The following UPF1 variants were observed in gnomAD, a reference collection of about 807,000 sequenced individuals.
The protein encoded by UPF1 is regulator of nonsense transcripts 1.
In UPF1, 9 loss-of-function variants were observed where a neutral mutation model predicts 129.2. The observed-to-expected ratio is 0.07, with a 90% CI of 0.04 to 0.12. The LOEUF is 0.12. Among genes scored for constraint, UPF1 ranks in the 10% least tolerant of loss-of-function variants. The pLI, the probability that UPF1 is intolerant of heterozygous loss-of-function variation, is 1.00. For synonymous variants in UPF1, 649 were observed against 644.9 expected, an observed-to-expected ratio of 1.01 and a Z score of -0.10; for missense variants, 788 against 1,525.3, an observed-to-expected ratio of 0.52 and a Z score of 8.05.
chr19:18,840,512 G>T (rs1248924463), intron 1 of UPF1, among the ~76,000 whole-genome samples: 3 of 152,198 alleles, frequency 2.0e-5, no homozygotes, highest in African/African-American at 7.2e-5. Flanking sequence ...CTGAGGGGCA[G>T]TTTGTGCTTG....
At position 18,852,280 on chromosome 19, in the gene UPF1, A is replaced by C; in HGVS notation, c.956A>C (p.Lys319Thr). The C allele has an allele frequency of 6.2e-7, 1 of 1,613,500 alleles. No homozygotes were observed. Among genetic ancestry groups the C allele is most frequent in the Non-Finnish European group, 8.5e-7 (1 of 1,179,688 alleles). Residue 319 changes from lysine to threonine, a missense_variant, in exon 6 of 24, where the codon AAG (lysine) becomes ACG (threonine). Around this residue, in one of 6 missense-constraint regions of UPF1, gnomAD observed 227 missense variants for 517.9 expected, o/e 0.44. Coordinates refer to ENST00000262803, the MANE Select transcript of UPF1 (RefSeq NM_002911.4). ...AAGCTGGAGGCCGACTACGACAAGA[A>C]GCTGAAGGAGTCCCAGGTGATGTGT... ...LVKLEADYDK[K>T]LKESQTQDNI...
intron 20 of UPF1, among the ~76,000 whole-genome samples, chr19:18,864,771 G>A (rs923875315): frequency 3.4e-5 from 4 of 116,686 alleles, no homozygotes; most frequent in Non-Finnish European, 3.2e-5. Flanking sequence ...ACCGAGTCTC[G>A]CTCTGTTGCC....
intron 17 of UPF1, 100 bp from the exon 18 acceptor site, chr19:18,861,910 C>G: frequency 2.7e-6 from 4 of 1,487,138 alleles, no homozygotes; most frequent in South Asian, 1.3e-5. Flanking sequence ...CCCAAGCTCC[C>G]GGGTGGGATT....
At chr19:18,845,733 A>G (rs1049770578) in intron 1 of UPF1, among the ~76,000 whole-genome samples, 11 of 151,590 alleles carry the variant, frequency 7.3e-5, no homozygotes, top group Non-Finnish European at 1.0e-4. Flanking sequence ...GGGCATGGAC[A>G]TGGCTCTGTG....
In UPF1 at chr19:18,853,741, A is replaced by T. The variant is rs1038616894; in HGVS notation, c.1156+391A>T. On this transcript the variant is annotated intron_variant, in intron 8 of 23. Transcript: ENST00000262803. This position sits in a 1 kb window ranked among gnomAD's most constrained non-coding sequence, Gnocchi z 4.4. ...GGAGGTTCCAGAAGCCAGTGGTCAC[A>T]TGCAGACCCTCTGAGCACACACTTG... Among the ~76,000 whole-genome samples, 2 of 152,226 alleles carry T rather than the reference A, an allele frequency of 1.3e-5. No homozygotes were observed. Among genetic ancestry groups the T allele is most frequent in the Non-Finnish European group, 2.9e-5 (2 of 68,032 alleles).
intron 1 of UPF1, among the ~76,000 whole-genome samples, chr19:18,843,717 TTGTGTGTG>T (rs72080135): frequency 8.3e-5 from 12 of 143,990 alleles, no homozygotes; most frequent in African/African-American, 1.8e-4. Context: ...TTGGCCAGGC[TTGTGTGTG>T]TGTGTGTGTG....
At chr19:18,845,636 C>T (rs1328769717) in intron 1 of UPF1, among the ~76,000 whole-genome samples, 1 of 152,126 alleles carries the variant, frequency 6.6e-6, no homozygotes, top group Admixed American at 6.5e-5. Flanking sequence ...GTCCTCAGGG[C>T]ACACTGCTGT....
At chr19:18,864,935 C>T (rs1286667125) in intron 20 of UPF1, among the ~76,000 whole-genome samples, 8 of 152,054 alleles carry the variant, frequency 5.3e-5, no homozygotes, top group East Asian at 3.9e-4. Flanking sequence ...AACGAGGTTT[C>T]GCCATGTTGG....
At position 18,850,390 on chromosome 19, in the gene UPF1, G is replaced by A. The variant is rs2055645237; in HGVS notation, c.629+148G>A. On this transcript the variant is annotated intron_variant, in intron 4 of 23. Coordinates refer to ENST00000262803, the MANE Select transcript of UPF1 (RefSeq NM_002911.4). The surrounding 1 kb of genome is among the most constrained non-coding windows in gnomAD (Gnocchi z 7.1). Reference sequence around the variant, plus strand: ...TTTTGCTGAAGGGTGAGGCATGAGAGCGTTTAGGCGCTGAGGCTTGTTAAG... The same window carrying A: ...TTTTGCTGAAGGGTGAGGCATGAGAACGTTTAGGCGCTGAGGCTTGTTAAG... 7 of 1,181,500 alleles carry A rather than the reference G, an allele frequency of 5.9e-6. No homozygotes were observed. Among genetic ancestry groups the A allele is most frequent in the Admixed American group, 3.0e-5 (1 of 33,464 alleles). The allele number at this position is 1,181,500 out of a possible 1,614,324, so 73.2% of individuals were successfully genotyped here.
rs201296446 is a variant in UPF1, at chr19:18,836,285, C to G, written c.231+3845C>G. On this transcript the variant is annotated intron_variant, in intron 1 of 23. Coordinates refer to ENST00000262803, the MANE Select transcript of UPF1 (RefSeq NM_002911.4). ...TTTGGTCTGCCTGGTTGGAATATTT[C>G]CTCTTGACTGTAGCTTCTGCCCTGG... Among the ~76,000 whole-genome samples the G allele has an allele frequency of 9.2e-5, 14 of 152,286 alleles. No individual in the cohort carries two copies. The East Asian group carries it at 2.7e-3, about 29-fold the overall frequency.
intron 6 of UPF1, 82 bp downstream of exon 6, chr19:18,852,378 T>C: frequency 6.4e-7 from 1 of 1,566,582 alleles, no homozygotes; most frequent in Non-Finnish European, 8.6e-7. Context: ...GGAGGTTTTC[T>C]CTCCAGGCTG....
chr19:18,849,188 G>A (rs1312724870), intron 3 of UPF1: 1 of 152,396 alleles, frequency 6.6e-6, no homozygotes, highest in Non-Finnish European at 1.5e-5. Flanking sequence ...GCTGGTTAGA[G>A]AATCCTGGGC....
chr19:18,832,362 C>CGGCGGCCCGGGCGGT lies in UPF1; in HGVS notation c.160_174dup (p.Pro54_Gly58dup), dbSNP rs2055435601. On this transcript the variant is annotated inframe_insertion, in exon 1 of 24. Transcript: ENST00000262803. The surrounding 1 kb of genome is among the most constrained non-coding windows in gnomAD (Gnocchi z 5.6). The stretch of plus-strand genomic sequence containing the variant: ...AGACGCAGACGCCCCCCGGCGGCCC[C>CGGCGGCCCGGGCGGT]GGCGGCCCGGGCGGTGGCGGCGCGG... 1.5e-6 allele frequency: 2 copies of CGGCGGCCCGGGCGGT among 1,327,820 alleles called. No individual in the cohort carries two copies. Among genetic ancestry groups the CGGCGGCCCGGGCGGT allele is most frequent in the African/African-American group, 3.1e-5 (2 of 65,416 alleles). 82.3% of individuals were successfully genotyped at this position (1,327,820 alleles called of 1,614,324 possible).
chr19:18,865,383 C>T lies in UPF1; in HGVS notation c.2952C>T (p.Pro984=). 1.2e-6 allele frequency: 2 copies of T among 1,614,140 alleles called. No homozygotes were observed. The highest frequency in any genetic ancestry group is 1.7e-6 in the Non-Finnish European group (2 of 1,180,022). The change falls in exon 21 of 24, where the codon CCC becomes CCT. Residue 984 remains proline, a synonymous_variant. Transcript: ENST00000262803. The surrounding 1 kb of genome is among the most constrained non-coding windows in gnomAD (Gnocchi z 6.1). ...TGGCTGCCATGAACATTCCCATCCC[C>T]TTCAACCTGGTCATGCCACCCATGC... ...SHVAAMNIPI[P]FNLVMPPMPP...
intron 13 of UPF1, 99 bp from the exon 14 acceptor site, chr19:18,856,778 T>G (rs1601120069): frequency 4.8e-6 from 7 of 1,464,718 alleles, no homozygotes; most frequent in Non-Finnish European, 6.4e-6. Flanking sequence ...TCAGGGAGGG[T>G]GAGAAACAGG....
chr19:18,840,006 G>T (rs969035431), intron 1 of UPF1, among the ~76,000 whole-genome samples: 2 of 152,168 alleles, frequency 1.3e-5, no homozygotes, highest in African/African-American at 2.4e-5. Context: ...TGTGGGGCCA[G>T]TGGGGCCAGG....
intron 1 of UPF1, among the ~76,000 whole-genome samples, chr19:18,839,299 G>A (rs1022005171): frequency 6.6e-6 from 1 of 152,092 alleles, no homozygotes; most frequent in African/African-American, 2.4e-5. Context: ...TCACCATGTT[G>A]GCCAGGCTGG....
Position 18,857,436 on chromosome 19 carries a change from C to T in UPF1, c.2085C>T (p.Pro695=). The T allele has an allele frequency of 6.2e-7, 1 of 1,613,698 alleles. No homozygotes were observed. The highest frequency in any genetic ancestry group is 1.1e-5 in the South Asian group (1 of 91,090). ...GCCTGGTGGTGCTGGGCATCCGGCC[C>T]ATCCGCCTGCAGGTCCAGTACCGGA... is the stretch of plus-strand genomic sequence containing the variant. The part of the protein sequence containing the change: ...FERLVVLGIR[P]IRLQVQYRMH... The change falls in exon 15 of 24, where the codon CCC becomes CCT. Residue 695 remains proline (P), a synonymous_variant. Transcript: ENST00000262803.
chr19:18,835,636 G>T (rs943900586), intron 1 of UPF1, among the ~76,000 whole-genome samples: 1 of 152,182 alleles, frequency 6.6e-6, no homozygotes, highest in African/African-American at 2.4e-5. Flanking sequence ...CACCGCACCT[G>T]GCCAGCATTT....
Sources: allele counts gnomAD v4.1 joint callset (sites outside exome capture counted in the v4.1 genomes callset), GRCh38; gene constraint gnomAD v4.1.1; regional missense constraint gnomAD v4.1.1; non-coding constraint Gnocchi (gnomAD v3.1); transcripts MANE v1.5; gene names NCBI Gene and HGNC (gene_info 2026-07-23, HGNC 2026-07-21).